The following ZC3H12B variants were observed in gnomAD, a reference collection of about 807,000 sequenced individuals.
The protein encoded by ZC3H12B is zinc finger CCCH-type containing 12B.
Under a neutral mutation model 43.9 loss-of-function variants are expected in ZC3H12B, and 7 were observed. The ratio of observed to expected loss-of-function variants is 0.16; its 90% CI spans 0.09 to 0.30. The LOEUF (loss-of-function observed/expected upper bound fraction) is 0.30. ZC3H12B is among the 10% of genes least tolerant of loss of function. The pLI, the probability that ZC3H12B is intolerant of heterozygous loss-of-function variation, is 1.00. For synonymous variants in ZC3H12B, 222 were observed against 241.7 expected, an observed-to-expected ratio of 0.92 and a Z score of 0.76; for missense variants, 475 against 670.2, an observed-to-expected ratio of 0.71 and a Z score of 3.22.
chrX:65,070,532 T>C, the ZC3H12B span, among the ~76,000 whole-genome samples: 1 of 111,410 alleles, frequency 9.0e-6, no homozygotes, highest in Non-Finnish European at 1.9e-5. Flanking sequence ...TGTTAGGTTG[T>C]TAATTTGAGA....
chrX:65,318,463 G>T, the ZC3H12B span, among the ~76,000 whole-genome samples: 1 of 104,619 alleles, frequency 9.6e-6, no homozygotes, highest in Non-Finnish European at 1.9e-5. Flanking sequence ...TGCCTAGGCT[G>T]GAGTGTGGTG....
chrX:65,479,259 A>C (rs1454866531), intron 3 of ZC3H12B, among the ~76,000 whole-genome samples: 1 of 111,857 alleles, frequency 8.9e-6, no homozygotes, highest in Non-Finnish European at 1.9e-5. Context: ...TTCCGGGAAG[A>C]GGAGATGGGA....
chrX:65,229,830 A>G, the ZC3H12B span, among the ~76,000 whole-genome samples: 2 of 109,061 alleles, frequency 1.8e-5, no homozygotes, highest in Admixed American at 9.8e-5. Context: ...CAAAACCACA[A>G]TGAGATACCA....
At chrX:65,231,138 G>T in the ZC3H12B span, among the ~76,000 whole-genome samples, 1 of 110,898 alleles carries the variant, frequency 9.0e-6, no homozygotes, top group Non-Finnish European at 1.9e-5. Flanking sequence ...TCACATATTG[G>T]TAGGACCATG....
At chrX:65,473,609 T>G (rs1259567171) in intron 3 of ZC3H12B, among the ~76,000 whole-genome samples, 1 of 112,187 alleles carries the variant, frequency 8.9e-6, no homozygotes, top group Non-Finnish European at 1.9e-5. Flanking sequence ...TAATTTACAG[T>G]GTATAAGTCT....
exon 5 of ZC3H12B, chrX:65,502,608 C>A: frequency 8.3e-7 from 1 of 1,210,191 alleles, no homozygotes; most frequent in Non-Finnish European, 1.1e-6. Context: ...GAAGCCTTAA[C>A]ACGAGTGCAG....
chrX:65,423,353 T>C (rs2067042799), intron 3 of ZC3H12B, among the ~76,000 whole-genome samples: 1 of 112,468 alleles, frequency 8.9e-6, no homozygotes, highest in African/African-American at 3.2e-5. Flanking sequence ...TGGAATGATT[T>C]ATAATCCTTT....
chrX:65,491,079 T>C (rs773883091), intron 1 of ZC3H12B, among the ~76,000 whole-genome samples: 1 of 112,247 alleles, frequency 8.9e-6, no homozygotes, highest in South Asian at 3.7e-4. Context: ...TCAGCAAAGG[T>C]AAGTGACTTC....
At chrX:65,390,290 G>T (rs1262283739) in intron 2 of ZC3H12B, among the ~76,000 whole-genome samples, 2 of 110,798 alleles carry the variant, frequency 1.8e-5, no homozygotes, top group East Asian at 2.8e-4. Flanking sequence ...AGCATTAGGA[G>T]ATATACGTAA....
the ZC3H12B span, among the ~76,000 whole-genome samples, chrX:65,174,353 T>G: frequency 8.9e-6 from 1 of 112,428 alleles, no homozygotes; most frequent in African/African-American, 3.2e-5. Context: ...GGATTGAAAC[T>G]TTTATCTAAA....
chrX:65,252,591 G>A, the ZC3H12B span, among the ~76,000 whole-genome samples: 3 of 111,788 alleles, frequency 2.7e-5, no homozygotes, highest in South Asian at 7.4e-4. Flanking sequence ...GGGCTGCATA[G>A]TGAACTCAGA....
the ZC3H12B span, among the ~76,000 whole-genome samples, chrX:65,213,775 C>T: frequency 9.1e-6 from 1 of 109,610 alleles, no homozygotes; most frequent in South Asian, 3.9e-4. Context: ...GATTTGTAGG[C>T]ATTCATTAAA....
the ZC3H12B span, among the ~76,000 whole-genome samples, chrX:65,068,105 C>CTTTTT: frequency 4.9e-5 from 3 of 60,774 alleles, no homozygotes; most frequent in Non-Finnish European, 9.1e-5. Context: ...CTTGATGTTA[C>CTTTTT]TTTTTTTTTT....
intron 3 of ZC3H12B, among the ~76,000 whole-genome samples, chrX:65,440,297 C>G (rs2067285457): frequency 8.9e-6 from 1 of 112,457 alleles, no homozygotes; most frequent in African/African-American, 3.2e-5. Context: ...CTACTTCTAA[C>G]TGCTGTTTGC....
At chrX:65,202,790 G>A in the ZC3H12B span, among the ~76,000 whole-genome samples, 1 of 110,967 alleles carries the variant, frequency 9.0e-6, no homozygotes, top group Non-Finnish European at 1.9e-5. Flanking sequence ...TCTACAATCA[G>A]AAGTTGGTGA....
chrX:65,289,684 A>T, the ZC3H12B span, among the ~76,000 whole-genome samples: 2 of 110,500 alleles, frequency 1.8e-5, no homozygotes, highest in African/African-American at 6.5e-5. Flanking sequence ...CAAGAAATAA[A>T]TTCATACAGC....
At chrX:65,479,626 C>G (rs2068039881) in intron 3 of ZC3H12B, among the ~76,000 whole-genome samples, 1 of 111,590 alleles carries the variant, frequency 9.0e-6, no homozygotes, top group Non-Finnish European at 1.9e-5. Flanking sequence ...CCTCGGCCTC[C>G]CAATATGCTG....
At chrX:65,453,393 T>A (rs1460060272) in intron 3 of ZC3H12B, among the ~76,000 whole-genome samples, 1 of 87,135 alleles carries the variant, frequency 1.1e-5, no homozygotes, top group Non-Finnish European at 2.2e-5. Context: ...TATATATATA[T>A]ATATATATAT....
At chrX:65,150,770 T>C in the ZC3H12B span, among the ~76,000 whole-genome samples, 1 of 111,687 alleles carries the variant, frequency 9.0e-6, no homozygotes, top group African/African-American at 3.2e-5. Flanking sequence ...ATCTTCCTAC[T>C]TCCCCTTTCT....
Sources: allele counts gnomAD v4.1 joint callset (sites outside exome capture counted in the v4.1 genomes callset), GRCh38; gene constraint gnomAD v4.1.1; transcripts MANE v1.5; gene names NCBI Gene and HGNC (gene_info 2026-07-23, HGNC 2026-07-21).